MAN2C1: variants seen among roughly 807,000 people sequenced by gnomAD.
The protein encoded by MAN2C1 is mannosidase alpha class 2C member 1.
Under a neutral mutation model 126.9 loss-of-function variants are expected in MAN2C1, and 111 were observed. The ratio of observed to expected loss-of-function variants is 0.87; its 90% CI spans 0.75 to 1.02. The LOEUF is 1.02. MAN2C1 is among the 50% of genes least tolerant of loss of function. The probability of loss-of-function intolerance (pLI) is 0.00; values close to 1 mark genes in which losing one functional copy is unlikely to be tolerated. For synonymous variants in MAN2C1, 567 were observed against 561.5 expected (o/e 1.01, Z -0.14); for missense variants, 1,363 against 1,364.4 (o/e 1.00, Z 0.02).
In MAN2C1 at chr15:75,368,488, G is replaced by A. The variant is rs766495514; in HGVS notation, c.96C>T (p.Arg32=). 6 of 1,551,508 alleles carry A rather than the reference G, an allele frequency of 3.9e-6. No homozygotes were observed. In the East Asian group the frequency reaches 1.2e-4, roughly 31 times the overall value. ...SPLYFTDCNL[R]GRLFGASCPV... is the part of the protein sequence containing the mutation. Reference sequence around the variant, plus strand: ...CGGGGGACCAGGGGCCACACCTGCCGCGGAGGTTACAGTCGGTAAAGTAGA... The same window carrying A: ...CGGGGGACCAGGGGCCACACCTGCCACGGAGGTTACAGTCGGTAAAGTAGA... The change falls in exon 1 of 26, where the codon CGC becomes CGT. Residue 32 remains arginine, a synonymous_variant. Coordinates refer to ENST00000267978, the MANE Select transcript of MAN2C1 (RefSeq NM_006715.4).
At chr15:75,357,712 C>G (rs2072363468) in intron 21 of MAN2C1, 1 of 163,128 alleles carries the variant, frequency 6.1e-6, no homozygotes, top group Admixed American at 5.6e-5. Flanking sequence ...CTCTGCCTCC[C>G]AGATTCACGC....
Position 75,355,825 on chromosome 15 carries a change from AC to A in MAN2C1, c.*80del, listed in dbSNP as rs1398340368. On this transcript the variant is annotated 3_prime_UTR_variant, in exon 26 of 26. Transcript: ENST00000267978. ...CCAAGGATTTATTCCACAAGAAAAG[AC>A]TGATCCCTGCTTTAGGCTGGGGAAG... The A allele has an allele frequency of 5.2e-6, 8 of 1,542,876 alleles. No homozygotes were observed. Among genetic ancestry groups the A allele is most frequent in the African/African-American group, 2.8e-5 (2 of 72,590 alleles).
chr15:75,356,246 G>C lies in MAN2C1; in HGVS notation c.2887-27C>G. 6.2e-7 allele frequency: 1 copy of C among 1,612,376 alleles called. No individual in the cohort carries two copies. Among genetic ancestry groups the C allele is most frequent in the Non-Finnish European group, 8.5e-7 (1 of 1,179,468 alleles). On this transcript the variant is annotated intron_variant, in intron 24 of 25. Coordinates refer to ENST00000267978, the MANE Select transcript of MAN2C1 (RefSeq NM_006715.4). The surrounding 1 kb of genome is among the most constrained non-coding windows in gnomAD (Gnocchi z 5.8). The stretch of plus-strand genomic sequence containing the variant: ...TGCAGAGGAACACGTCTGGTGGGAG[G>C]GGCCGAGGGCAGGCCCAGTTCGGAA...
rs1245331107 is a variant in MAN2C1, at chr15:75,360,848, T to C, written c.1461-160A>G. The C allele has an allele frequency of 5.1e-6, 6 of 1,175,472 alleles. No individual in the cohort carries two copies. The South Asian group carries it at 9.3e-5, about 18-fold the overall frequency. The allele number at this position is 1,175,472 out of a possible 1,614,324, so 72.8% of individuals were successfully genotyped here. A position where few individuals can be genotyped will look rare whatever the true frequency, so the allele number is the denominator to read the frequency against. ...CCTGGACGCCCTAGGAGAGCCTCTC[T>C]CTCTGATGGGCTGGAGCCCTTACCA... is the stretch of plus-strand genomic sequence containing the variant. On this transcript the variant is annotated intron_variant, in intron 12 of 25. Transcript: ENST00000267978.
chr15:75,356,879 A>T lies in MAN2C1; in HGVS notation c.2571T>A (p.Asp857Glu). 2 of 1,613,790 alleles carry T rather than the reference A, an allele frequency of 1.2e-6. No individual in the cohort carries two copies. The highest frequency in any genetic ancestry group is 1.7e-6 in the Non-Finnish European group (2 of 1,179,738). ...RFEVWAHRWM[D>E]LSEHGFGLAL... is the part of the protein sequence containing the mutation. ...CCAGCCCAAAGCCGTGTTCTGACAG[A>T]TCCATCCAGCGATGGGCCCACACCT... The change falls in exon 22 of 26, where the codon GAT (aspartate) becomes GAA (glutamate). Residue 857 changes from aspartate to glutamate, a missense_variant. Asp to Glu is a conservative substitution (Grantham distance 45, BLOSUM62 2). Transcript: ENST00000267978. This position sits in a 1 kb window ranked among gnomAD's most constrained non-coding sequence, Gnocchi z 5.8.
chr15:75,355,994 A>G lies in MAN2C1; in HGVS notation c.3035T>C (p.Leu1012Ser). ...CTTCAGGCGGTTGTCCCGAAGGGTC[A>G]AGTGGCCAGCAGGGTCTGGTCGCTC... ...LLERPDPAGH[L>S]TLRDNRLKLT... The change falls in exon 26 of 26, where the codon TTG becomes TCG. Residue 1012 changes from leucine (L) to serine (S), a missense_variant. Transcript: ENST00000267978. 1 of 1,614,100 alleles carries G rather than the reference A, an allele frequency of 6.2e-7. No individual in the cohort carries two copies. Among genetic ancestry groups the G allele is most frequent in the Non-Finnish European group, 8.5e-7 (1 of 1,179,978 alleles).
chr15:75,368,161 T>G lies in MAN2C1; in HGVS notation c.139A>C (p.Ser47Arg), dbSNP rs1338945484. Reference sequence around the variant, plus strand: ...GGAAGTCTCTCCGGCGTCAGGAAGCTGGAGAGCACAGCCACAGGGCAGCTG... The same window carrying G: ...GGAAGTCTCTCCGGCGTCAGGAAGCGGGAGAGCACAGCCACAGGGCAGCTG... ...GASCPVAVLS[S>R]FLTPERLPYQ... Residue 47 changes from serine (S) to arginine (R), a missense_variant, in exon 2 of 26, where the codon AGC becomes CGC. By Grantham distance (110) the Ser-to-Arg change is moderately radical. Coordinates refer to ENST00000267978, the MANE Select transcript of MAN2C1 (RefSeq NM_006715.4). 1.9e-6 allele frequency: 3 copies of G among 1,604,590 alleles called. No individual in the cohort carries two copies. The highest frequency in any genetic ancestry group is 2.5e-6 in the Non-Finnish European group (3 of 1,177,206).
In MAN2C1 at chr15:75,361,875, A is replaced by T. The variant is rs949300835; in HGVS notation, c.1081T>A (p.Phe361Ile). Reference protein sequence around the residue: ...LQGQNFFLQEFGKMCSEFWLP... With the variant: ...LQGQNFFLQEIGKMCSEFWLP... ...CCTACCTCAGAGCACATCTTCCCAA[A>T]CTCCTGCAGAAAGAAGTTCTGGCCC... The change falls in exon 9 of 26, where the codon TTT (phenylalanine) becomes ATT (isoleucine). Residue 361 changes from phenylalanine to isoleucine, a missense_variant. Physicochemically the swap from Phe to Ile is conservative, Grantham distance 21. This residue lies in a region of MAN2C1 where 628 missense variants were observed against 609.8 expected (regional missense o/e 1.03). Transcript: ENST00000267978. This position sits in a 1 kb window ranked among gnomAD's most constrained non-coding sequence, Gnocchi z 5.0. 1.2e-6 allele frequency: 2 copies of T among 1,613,602 alleles called. No individual in the cohort carries two copies. Among genetic ancestry groups the T allele is most frequent in the Admixed American group, 3.3e-5 (2 of 59,962 alleles).
Position 75,361,348 on chromosome 15 carries a change from A to G in MAN2C1, c.1252T>C (p.Ser418Pro). ...GGTGGGAAGTGGACCAGTACACGGGAGCCATCCAGGCCCTCCCAGAAAAAT... is the reference window on the plus strand; with the variant it reads ...GGTGGGAAGTGGACCAGTACACGGGGGCCATCCAGGCCCTCCCAGAAAAAT... The part of the protein sequence containing the change: ...HTFFWEGLDG[S>P]RVLVHFPPGD... The change falls in exon 11 of 26, where the codon TCC becomes CCC. Residue 418 changes from serine (S) to proline (P), a missense_variant. This residue lies in a region of MAN2C1 where 628 missense variants were observed against 609.8 expected (regional missense o/e 1.03). Transcript: ENST00000267978. The surrounding 1 kb of genome is among the most constrained non-coding windows in gnomAD (Gnocchi z 5.0). The G allele has an allele frequency of 1.3e-6, 2 of 1,566,592 alleles. No individual in the cohort carries two copies. Among genetic ancestry groups the G allele is most frequent in the African/African-American group, 1.3e-5 (1 of 74,100 alleles).
rs367965869 is a variant in MAN2C1, at chr15:75,359,735, G to C, written c.1833C>G (p.Ala611=). ...SHGNTLLSAA[A]AALCAGEPGP... Reference sequence around the variant, plus strand: ...CTGGCTCCCCAGCACACAGGGCTGCGGCTGCAGCGCTGAGCAGTGTATTGC... The same window carrying C: ...CTGGCTCCCCAGCACACAGGGCTGCCGCTGCAGCGCTGAGCAGTGTATTGC... Residue 611 remains alanine (A), a synonymous_variant, in exon 16 of 26, where the codon GCC becomes GCG. Transcript: ENST00000267978. 3.7e-5 allele frequency: 60 copies of C among 1,613,900 alleles called. 1 individual carries two copies. The South Asian group carries it at 5.6e-4, about 15-fold the overall frequency.
In MAN2C1 at chr15:75,366,547, T is replaced by G; in HGVS notation, c.397A>C (p.Arg133=). ...CTTCGGGGGTCTCTTTCCCCCAGCC[T>G]GTCAGTCAGGACATAGCTGGTCTTC... ...GEKTSYVLTD[R]LGERDPRSLT... Residue 133 remains arginine (R), a synonymous_variant, in exon 4 of 26, where the codon AGG becomes CGG. Coordinates refer to ENST00000267978, the MANE Select transcript of MAN2C1 (RefSeq NM_006715.4). The G allele has an allele frequency of 6.2e-7, 1 of 1,613,644 alleles. No individual in the cohort carries two copies.
chr15:75,359,298 T>C lies in MAN2C1; in HGVS notation c.2046+30A>G, dbSNP rs780238448. 15 of 1,575,830 alleles carry C rather than the reference T, an allele frequency of 9.5e-6. No homozygotes were observed. The African/African-American group carries it at 1.9e-4, about 20-fold the overall frequency. ...GTTGTAAGAAAGTATCCCAGCACAGTTCCTGCCCCCCAGGGCATGCAGGAC... is the reference window on the plus strand; with the variant it reads ...GTTGTAAGAAAGTATCCCAGCACAGCTCCTGCCCCCCAGGGCATGCAGGAC... On this transcript the variant is annotated intron_variant, in intron 17 of 25. Transcript: ENST00000267978.
chr15:75,358,647 C>A (rs1393738158), intron 19 of MAN2C1, 29 bp from the exon 20 acceptor site: 2 of 1,613,108 alleles, frequency 1.2e-6, no homozygotes, highest in Non-Finnish European at 1.7e-6. Context: ...CATACTGATC[C>A]AGAGCAGCCT....
intron 4 of MAN2C1, chr15:75,366,011 T>C (rs2072567727): frequency 4.9e-6 from 2 of 405,868 alleles, no homozygotes; most frequent in Admixed American, 3.0e-5. Flanking sequence ...CGCTTGAACC[T>C]GGGAGGCAGA....
Position 75,364,197 on chromosome 15 carries a change from G to A in MAN2C1, c.601-9C>T, listed in dbSNP as rs767455538. ...TTGTCCTTCCCGAGGCCCTGCAGCAGGGTTCTGCCCCTTAATCCCTTTTTC... is the reference window on the plus strand; with the variant it reads ...TTGTCCTTCCCGAGGCCCTGCAGCAAGGTTCTGCCCCTTAATCCCTTTTTC... On this transcript the variant is annotated splice_polypyrimidine_tract_variant and intron_variant, in intron 5 of 25. Transcript: ENST00000267978. The A allele has an allele frequency of 1.2e-6, 2 of 1,607,786 alleles. No homozygotes were observed. Among genetic ancestry groups the A allele is most frequent in the South Asian group, 1.1e-5 (1 of 90,812 alleles).
chr15:75,361,918 C>G lies in MAN2C1; in HGVS notation c.1038G>C (p.Met346Ile). 1 of 1,614,120 alleles carries G rather than the reference C, an allele frequency of 6.2e-7. No homozygotes were observed. Among genetic ancestry groups the G allele is most frequent in the Non-Finnish European group, 8.5e-7 (1 of 1,180,026 alleles). The change falls in exon 9 of 26, where the codon ATG (methionine) becomes ATC (isoleucine). Residue 346 changes from methionine (M) to isoleucine (I), a missense_variant. Around this residue, in one of 3 missense-constraint regions of MAN2C1, gnomAD observed 628 missense variants for 609.8 expected, o/e 1.03. Coordinates refer to ENST00000267978, the MANE Select transcript of MAN2C1 (RefSeq NM_006715.4). The surrounding 1 kb of genome is among the most constrained non-coding windows in gnomAD (Gnocchi z 5.0). ...TCTGGCCCTGCAAAAACTGCCTCACCATGGCCTCTCCACTGGGCAGGTTCC... is the reference window on the plus strand; with the variant it reads ...TCTGGCCCTGCAAAAACTGCCTCACGATGGCCTCTCCACTGGGCAGGTTCC... Reference protein sequence around the residue: ...MDGNLPSGEAMVRQFLQGQNF... With the variant: ...MDGNLPSGEAIVRQFLQGQNF...
Position 75,356,891 on chromosome 15 carries a change from A to G in MAN2C1, c.2559T>C (p.His853=). 6.2e-7 allele frequency: 1 copy of G among 1,613,978 alleles called. No homozygotes were observed. Among genetic ancestry groups the G allele is most frequent in the Non-Finnish European group, 8.5e-7 (1 of 1,179,966 alleles). ...WDWARFEVWA[H]RWMDLSEHGF... ...CGTGTTCTGACAGATCCATCCAGCG[A>G]TGGGCCCACACCTGGAGGGCAGATC... The change falls in exon 22 of 26, where the codon CAT becomes CAC. Residue 853 remains histidine (H), a synonymous_variant. Transcript: ENST00000267978. This position sits in a 1 kb window ranked among gnomAD's most constrained non-coding sequence, Gnocchi z 5.8.
chr15:75,360,731 C>T, intron 12 of MAN2C1, 43 bp from the exon 13 acceptor site: 1 of 1,603,894 alleles, frequency 6.2e-7, no homozygotes, highest in Non-Finnish European at 8.5e-7. Flanking sequence ...TTGGAGACCA[C>T]ATGGCTCACC....
In MAN2C1 at chr15:75,358,691, G is replaced by GCCCAGCCCATACCACATGCTA. The variant is rs776811833; in HGVS notation, c.2246+12_2246+13insTAGCATGTGGTATGGGCTGGG. 4 of 1,613,578 alleles carry GCCCAGCCCATACCACATGCTA rather than the reference G, an allele frequency of 2.5e-6. No individual in the cohort carries two copies. The highest frequency in any genetic ancestry group is 3.3e-5 in the Admixed American group (2 of 60,002). On this transcript the variant is annotated intron_variant, in intron 19 of 25. Transcript: ENST00000267978. ...ACCACCTCCACCATCCCCACATGCT[G>GCCCAGCCCATACCACATGCTA]CCCAGCCTATACCGTGTCTCCAGGT...
Sources: allele counts gnomAD v4.1 joint callset, GRCh38; gene constraint gnomAD v4.1.1; regional missense constraint gnomAD v4.1.1; non-coding constraint Gnocchi (gnomAD v3.1); transcripts MANE v1.5; gene names NCBI Gene and HGNC (gene_info 2026-07-23, HGNC 2026-07-21).